Variants in MRTFB observed in about 807,000 individuals in gnomAD.
MRTFB encodes the protein myocardin-related transcription factor B.
Under a neutral mutation model 104.2 loss-of-function variants are expected in MRTFB, and 29 were observed. That is an observed-to-expected ratio of 0.28 (90% CI 0.21 to 0.38). MRTFB has a LOEUF of 0.38. Among genes scored for constraint, MRTFB ranks in the 10% least tolerant of loss-of-function variants. The pLI, the probability that MRTFB is intolerant of heterozygous loss-of-function variation, is 1.00. For missense variants in MRTFB, 1,270 were observed against 1,341.6 expected, an observed-to-expected ratio of 0.95 and a Z score of 0.83; for synonymous variants, 535 against 519.5, an observed-to-expected ratio of 1.03 and a Z score of -0.41.
chr16:14,183,265 C>T (rs2039829445), intron 3 of MRTFB, among the ~76,000 whole-genome samples: 1 of 152,060 alleles, frequency 6.6e-6, no homozygotes, highest in Non-Finnish European at 1.5e-5. Context: ...AACAGACAGA[C>T]TCAAATTGAG....
At chr16:14,071,924 G>T (rs539807751) in intron 1 of MRTFB, among the ~76,000 whole-genome samples, 6 of 152,224 alleles carry the variant, frequency 3.9e-5, no homozygotes, top group Admixed American at 3.3e-4. Context: ...GGTTTCTTGG[G>T]AGAGAGTTTT....
chr16:14,055,486 A>C, the MRTFB span, among the ~76,000 whole-genome samples: 1 of 152,194 alleles, frequency 6.6e-6, no homozygotes, highest in Non-Finnish European at 1.5e-5. Context: ...TTTAGCCATC[A>C]GTTCTCCTTA....
At chr16:14,025,784 T>G in the MRTFB span, among the ~76,000 whole-genome samples, 1 of 152,184 alleles carries the variant, frequency 6.6e-6, no homozygotes, top group African/African-American at 2.4e-5. Flanking sequence ...GCTAACAGGA[T>G]GCAAGGGCAC....
At chr16:14,050,686 C>CTGCT in the MRTFB span, among the ~76,000 whole-genome samples, 1 of 152,224 alleles carries the variant, frequency 6.6e-6, no homozygotes, top group Non-Finnish European at 1.5e-5. Flanking sequence ...CAGCCAGAGG[C>CTGCT]TGCTGCTAGC....
chr16:14,079,452 G>A (rs1329450256), intron 2 of MRTFB, 98 bp downstream of exon 2: 1 of 310,642 alleles, frequency 3.2e-6, no homozygotes, highest in Non-Finnish European at 5.9e-6. Context: ...CTAACAGGGA[G>A]ATTGTTTTAG....
chr16:14,148,913 A>C (rs2038467717), intron 3 of MRTFB, among the ~76,000 whole-genome samples: 2 of 152,338 alleles, frequency 1.3e-5, no homozygotes, highest in Admixed American at 6.5e-5. Context: ...GATAACTTCC[A>C]TCTCAGCTAA....
At chr16:14,115,162 C>G (rs2036479707) in intron 2 of MRTFB, among the ~76,000 whole-genome samples, 1 of 152,222 alleles carries the variant, frequency 6.6e-6, no homozygotes, top group Non-Finnish European at 1.5e-5. Flanking sequence ...ACCACGCTGA[C>G]ACTACTTGGA....
chr16:14,103,388 C>T (rs1028873235), intron 2 of MRTFB, among the ~76,000 whole-genome samples: 7 of 152,104 alleles, frequency 4.6e-5, no homozygotes, highest in African/African-American at 1.4e-4. Flanking sequence ...ATTTCTTCTT[C>T]CATATTTGGA....
At chr16:14,213,641 T>C (rs549632649) in intron 6 of MRTFB, 21 bp downstream of exon 6, 17 of 1,470,160 alleles carry the variant, frequency 1.2e-5, no homozygotes, top group Admixed American at 8.3e-5. Context: ...TATTTCTTCT[T>C]AATCTGCTGT....
chr16:14,015,482 T>A, the MRTFB span, among the ~76,000 whole-genome samples: 1 of 152,126 alleles, frequency 6.6e-6, no homozygotes, highest in Non-Finnish European at 1.5e-5. Context: ...TGGGACTCCA[T>A]GAGACCGGAT....
At chr16:14,036,813 G>A in the MRTFB span, among the ~76,000 whole-genome samples, 2 of 152,088 alleles carry the variant, frequency 1.3e-5, no homozygotes, top group Non-Finnish European at 2.9e-5. Flanking sequence ...GAAACAAGAG[G>A]CATTACTACC....
chr16:14,256,121 A>G (rs1375098126), intron 15 of MRTFB, among the ~76,000 whole-genome samples: 7 of 148,480 alleles, frequency 4.7e-5, no homozygotes, highest in East Asian at 1.9e-4. Context: ...AAAAAAAAAA[A>G]AAAGAAAGAA....
At chr16:14,092,941 T>G (rs911020589) in intron 2 of MRTFB, 4 of 152,240 alleles carry the variant, frequency 2.6e-5, no homozygotes, top group African/African-American at 9.6e-5. Context: ...AGATGTTAAC[T>G]TAGTTTCATC....
intron 2 of MRTFB, among the ~76,000 whole-genome samples, chr16:14,080,015 C>T (rs2034301676): frequency 6.6e-6 from 1 of 152,198 alleles, no homozygotes; most frequent in African/African-American, 2.4e-5. Context: ...CGTAATCCTA[C>T]ATGATCATTT....
intron 3 of MRTFB, 107 bp downstream of exon 3, chr16:14,140,867 T>C: frequency 7.9e-7 from 1 of 1,272,918 alleles, no homozygotes; most frequent in Non-Finnish European, 1.1e-6. Context: ...CAGCAGTCTG[T>C]CATGGAGGAG....
the MRTFB span, among the ~76,000 whole-genome samples, chr16:14,006,385 A>G: frequency 6.6e-6 from 1 of 151,764 alleles, no homozygotes; most frequent in African/African-American, 2.4e-5. Flanking sequence ...TTGTGGTAGC[A>G]CGCGCCTGTA....
intron 10 of MRTFB, among the ~76,000 whole-genome samples, chr16:14,244,663 A>G (rs763435228): frequency 5.3e-5 from 8 of 152,166 alleles, no homozygotes; most frequent in Non-Finnish European, 8.8e-5. Flanking sequence ...AGGTTGAATC[A>G]TCTTTCACTT....
chr16:14,065,615 T>C, the MRTFB span, among the ~76,000 whole-genome samples: 1 of 152,062 alleles, frequency 6.6e-6, no homozygotes, highest in African/African-American at 2.4e-5. Context: ...GGTGTGATGG[T>C]GCACCTGTAG....
intron 16 of MRTFB, among the ~76,000 whole-genome samples, chr16:14,258,889 A>C (rs1384315906): frequency 2.6e-5 from 4 of 152,230 alleles, no homozygotes; most frequent in African/African-American, 9.6e-5. Context: ...CTCAGCTTAC[A>C]TATCTTTGAA....
Sources: allele counts gnomAD v4.1 joint callset (sites outside exome capture counted in the v4.1 genomes callset), GRCh38; gene constraint gnomAD v4.1.1; transcripts MANE v1.5; gene names NCBI Gene and HGNC (gene_info 2026-07-23, HGNC 2026-07-21).